The following KCNS3 variants were observed in gnomAD, a reference collection of about 807,000 sequenced individuals.
KCNS3 encodes the protein potassium voltage-gated channel modifier subfamily S member 3, also known as delayed-rectifier potassium channel regulatory subunit KCNS3.
A neutral mutation model predicts 31.0 loss-of-function variants in KCNS3; 13 were observed. The observed-to-expected ratio is 0.42, with a 90% confidence interval of 0.27 to 0.67. The LOEUF (loss-of-function observed/expected upper bound fraction) is 0.67. Among genes scored for constraint, KCNS3 ranks in the 30% least tolerant of loss-of-function variants. The pLI is 0.25. For synonymous variants in KCNS3, 238 were observed against 241.5 expected, an observed-to-expected ratio of 0.99 and a Z score of 0.13; for missense variants, 545 against 622.4, an observed-to-expected ratio of 0.88 and a Z score of 1.32.
intron 1 of KCNS3, among the ~76,000 whole-genome samples, chr2:17,912,764 G>A (rs149008828): frequency 7.2e-5 from 11 of 152,312 alleles, no homozygotes; most frequent in Non-Finnish European, 1.2e-4. Flanking sequence ...CACTCTGAAT[G>A]ACCAAGAAAA....
chr2:17,905,019 G>A (rs1000162714), intron 1 of KCNS3, among the ~76,000 whole-genome samples: 19 of 152,230 alleles, frequency 1.2e-4, no homozygotes, highest in African/African-American at 4.6e-4. Flanking sequence ...AGCTTGATGG[G>A]GATGGCATTG....
At chr2:17,921,412 T>A (rs1662699915) in intron 2 of KCNS3, among the ~76,000 whole-genome samples, 1 of 152,180 alleles carries the variant, frequency 6.6e-6, no homozygotes, top group Non-Finnish European at 1.5e-5. Flanking sequence ...GATAAGGGTT[T>A]TCTTTTAAGA....
rs1193881894 is a variant in KCNS3 at position 17,931,321 on chromosome 2, T to C, written c.313T>C (p.Tyr105His). ...CVFSFCQEIE[Y>H]WGINELFIDS... ...ATTCTCATTCTGCCAGGAGATCGAG[T>C]ACTGGGGCATCAACGAGCTCTTCAT... Residue 105 changes from tyrosine (Y) to histidine (H), a missense_variant, in exon 3 of 3, where the codon TAC (tyrosine) becomes CAC (histidine). Transcript: ENST00000304101. The surrounding 1 kb of genome is among the most constrained non-coding windows in gnomAD (Gnocchi z 5.4). 6.2e-7 allele frequency: 1 copy of C among 1,614,016 alleles called. No homozygotes were observed. Among genetic ancestry groups the C allele is most frequent in the Admixed American group, 1.7e-5 (1 of 60,002 alleles).
At chr2:17,919,434 T>G (rs990822383) in intron 2 of KCNS3, 4 of 152,204 alleles carry the variant, frequency 2.6e-5, no homozygotes, top group South Asian at 2.1e-4. Flanking sequence ...CTTCTATAGA[T>G]GAAGACTTCA....
At chr2:17,920,653 A>T (rs1313797100) in intron 2 of KCNS3, among the ~76,000 whole-genome samples, 1 of 152,232 alleles carries the variant, frequency 6.6e-6, no homozygotes, top group Non-Finnish European at 1.5e-5. Flanking sequence ...ACCATGAGTG[A>T]TGTGGGTTGA....
chr2:17,895,100 G>A (rs989551645), intron 1 of KCNS3, among the ~76,000 whole-genome samples: 4 of 152,096 alleles, frequency 2.6e-5, no homozygotes, highest in African/African-American at 9.7e-5. Context: ...AGTTTTCAGG[G>A]ACTGGATACG....
At chr2:17,930,154 C>T (rs565142098) in intron 2 of KCNS3, among the ~76,000 whole-genome samples, 5 of 152,218 alleles carry the variant, frequency 3.3e-5, no homozygotes, top group African/African-American at 7.2e-5. Flanking sequence ...ATTAGGGCCA[C>T]GTGGGGACTG....
At chr2:17,906,633 T>C (rs1158871662) in intron 1 of KCNS3, among the ~76,000 whole-genome samples, 1 of 152,100 alleles carries the variant, frequency 6.6e-6, no homozygotes, top group African/African-American at 2.4e-5. Flanking sequence ...CTGCTTTAAA[T>C]GTCCCAGAGA....
chr2:17,922,314 A>G (rs986110554), intron 2 of KCNS3, among the ~76,000 whole-genome samples: 1 of 151,680 alleles, frequency 6.6e-6, no homozygotes, highest in Non-Finnish European at 1.5e-5. Flanking sequence ...TTTGAGTTCT[A>G]TTATTTCTTT....
At chr2:17,908,436 G>A (rs560234897) in intron 1 of KCNS3, among the ~76,000 whole-genome samples, 14 of 152,116 alleles carry the variant, frequency 9.2e-5, no homozygotes, top group African/African-American at 1.4e-4. Flanking sequence ...AAGTTTGATC[G>A]TCTGAAGCCT....
chr2:17,904,060 T>G (rs1299350365), intron 1 of KCNS3, among the ~76,000 whole-genome samples: 1 of 152,162 alleles, frequency 6.6e-6, no homozygotes, highest in Non-Finnish European at 1.5e-5. Context: ...TTGAACTAGT[T>G]TACAGTCCCA....
chr2:17,882,127 ACAGG>A (rs1674658648), intron 1 of KCNS3, among the ~76,000 whole-genome samples: 1 of 152,244 alleles, frequency 6.6e-6, no homozygotes, highest in Non-Finnish European at 1.5e-5. Context: ...GCCCAGTACT[ACAGG>A]CAATGAAGGT....
chr2:17,906,328 G>T (rs1266591389), intron 1 of KCNS3, among the ~76,000 whole-genome samples: 1 of 152,032 alleles, frequency 6.6e-6, no homozygotes, highest in African/African-American at 2.4e-5. Context: ...ACTTTTTATT[G>T]TGTCTATTTG....
At chr2:17,882,614 G>A (rs1015065126) in intron 1 of KCNS3, among the ~76,000 whole-genome samples, 1 of 152,170 alleles carries the variant, frequency 6.6e-6, no homozygotes, top group African/African-American at 2.4e-5. Flanking sequence ...GGTGCTTATT[G>A]GAGGCAGGGG....
chr2:17,918,465 C>G (rs1237887896), intron 2 of KCNS3, among the ~76,000 whole-genome samples: 1 of 152,230 alleles, frequency 6.6e-6, no homozygotes, highest in African/African-American at 2.4e-5. Context: ...TGAGTAGCCT[C>G]TGCCTCTTAG....
intron 1 of KCNS3, among the ~76,000 whole-genome samples, chr2:17,899,021 A>G (rs1431551263): frequency 6.6e-6 from 1 of 152,104 alleles, no homozygotes; most frequent in Non-Finnish European, 1.5e-5. Context: ...AGGTCAAGAG[A>G]TCGAGACCAT....
chr2:17,919,767 C>T (rs1469858586), intron 2 of KCNS3: 2 of 152,204 alleles, frequency 1.3e-5, no homozygotes, highest in African/African-American at 4.8e-5. Flanking sequence ...CGGTGGGATT[C>T]ACGCTTTACA....
chr2:17,901,298 A>C (rs975302730), intron 1 of KCNS3, among the ~76,000 whole-genome samples: 12 of 152,000 alleles, frequency 7.9e-5, no homozygotes, highest in African/African-American at 2.9e-4. Context: ...AAAAATACCG[A>C]GTATCTGGAT....
chr2:17,884,267 AAATATATATATATATATAT>A (rs1457433330), intron 1 of KCNS3, among the ~76,000 whole-genome samples: 5 of 38,706 alleles, frequency 1.3e-4, no homozygotes, highest in South Asian at 9.1e-4. Flanking sequence ...AAAAAAAAAA[AAATATATATATATATATAT>A]ATATATATAT....
Sources: allele counts gnomAD v4.1 joint callset (sites outside exome capture counted in the v4.1 genomes callset), GRCh38; gene constraint gnomAD v4.1.1; non-coding constraint Gnocchi (gnomAD v3.1); transcripts MANE v1.5; gene names NCBI Gene and HGNC (gene_info 2026-07-23, HGNC 2026-07-21).